Variants in C8orf34 observed in about 807,000 individuals in gnomAD.
C8orf34 encodes chromosome 8 open reading frame 34.
A neutral mutation model predicts 68.3 loss-of-function variants in C8orf34; 65 were observed. That is an observed-to-expected ratio of 0.95 (90% CI 0.78 to 1.17). The LOEUF is 1.17. Among genes scored for constraint, C8orf34 ranks in the 50% most tolerant of loss-of-function variants. The probability of loss-of-function intolerance (pLI) is 0.00; values close to 1 mark genes in which losing one functional copy is unlikely to be tolerated. For synonymous variants in C8orf34, 244 were observed against 241.2 expected, an observed-to-expected ratio of 1.01 and a Z score of -0.11; for missense variants, 664 against 655.4, an observed-to-expected ratio of 1.01 and a Z score of -0.14.
rs572682011 is a variant in C8orf34 at position 68,462,153 on chromosome 8, A to G, written c.608-6539A>G. On this transcript the variant is annotated intron_variant, in intron 3 of 13. Coordinates refer to ENST00000518698, the MANE Select transcript of C8orf34 (RefSeq NM_052958.4). ...AGGGGTTGCAATCCTGGTCTCTGAT[A>G]AAACAGACTTTAAACCAACAAAGAT... is the stretch of plus-strand genomic sequence containing the variant. 6.4e-4 allele frequency among the ~76,000 whole-genome samples: 97 copies of G among 152,244 alleles called. No homozygotes were observed. The South Asian group carries it at 0.016, about 25-fold the overall frequency.
At chr8:68,565,851 T>C (rs1278045885) in intron 7 of C8orf34, among the ~76,000 whole-genome samples, 2 of 152,180 alleles carry the variant, frequency 1.3e-5, no homozygotes, top group African/African-American at 4.8e-5. Flanking sequence ...GGAACATAGC[T>C]ATGTAGCTAC....
intron 11 of C8orf34, among the ~76,000 whole-genome samples, chr8:68,779,001 A>G (rs905009780): frequency 4.6e-5 from 7 of 151,892 alleles, no homozygotes; most frequent in Admixed American, 6.6e-5. Flanking sequence ...ACATAGTGAG[A>G]CCCTGTCTCT....
At chr8:68,514,576 T>C in intron 5 of C8orf34, among the ~76,000 whole-genome samples, 1 of 152,222 alleles carries the variant, frequency 6.6e-6, no homozygotes. Flanking sequence ...GATGTCTTGT[T>C]CCATTTCAGC....
chr8:68,664,474 C>A (rs1186100842), intron 8 of C8orf34, among the ~76,000 whole-genome samples: 1 of 152,166 alleles, frequency 6.6e-6, no homozygotes, highest in Non-Finnish European at 1.5e-5. Context: ...CCCATACATC[C>A]ATTCTATTTT....
At position 68,798,082 on chromosome 8, in the gene C8orf34, C is replaced by CAGACTTTAGTAGGTTTGATCT. The variant is rs1824229657; in HGVS notation, c.1549+10546_1549+10547insAGACTTTAGTAGGTTTGATCT. Among the ~76,000 whole-genome samples the CAGACTTTAGTAGGTTTGATCT allele has an allele frequency of 2.6e-5, 4 of 152,034 alleles. No homozygotes were observed. In the South Asian group the frequency reaches 8.3e-4, roughly 32 times the overall value. On this transcript the variant is annotated intron_variant, in intron 12 of 13. Transcript: ENST00000518698. ...ACTTTCTAGTAGTCTGTAGTAGGTT[C>CAGACTTTAGTAGGTTTGATCT]TTTCAGAAGATCAAAAGAAATCTTG...
chr8:68,805,992 C>T (rs1425049167), intron 12 of C8orf34, among the ~76,000 whole-genome samples: 6 of 151,586 alleles, frequency 4.0e-5, no homozygotes, highest in Admixed American at 3.9e-4. Flanking sequence ...AGGTTATATA[C>T]TCTTTTAAGA....
intron 12 of C8orf34, among the ~76,000 whole-genome samples, chr8:68,805,645 C>G (rs535599693): frequency 1.3e-5 from 2 of 152,138 alleles, no homozygotes; most frequent in South Asian, 4.1e-4. Context: ...CATTGGTACC[C>G]CAGCTTTTTA....
chr8:68,366,792 A>T (rs1807280302), intron 1 of C8orf34, among the ~76,000 whole-genome samples: 1 of 147,382 alleles, frequency 6.8e-6, no homozygotes, highest in Non-Finnish European at 1.5e-5. Context: ...AACCATAAAA[A>T]CCCTAGAAGA....
chr8:68,337,308 C>G (rs1805892379), intron 1 of C8orf34, among the ~76,000 whole-genome samples: 1 of 152,088 alleles, frequency 6.6e-6, no homozygotes, highest in Non-Finnish European at 1.5e-5. Context: ...GCATTTAAAA[C>G]AACACAGCAT....
At chr8:68,702,520 C>T (rs145626096) in intron 8 of C8orf34, among the ~76,000 whole-genome samples, 54 of 152,226 alleles carry the variant, frequency 3.5e-4, no homozygotes, top group African/African-American at 1.2e-3. Context: ...AATGTCTACT[C>T]TTTAGTTAGA....
chr8:68,662,634 C>T lies in C8orf34; in HGVS notation c.1241+22123C>T, dbSNP rs1015607046. Among the ~76,000 whole-genome samples the T allele has an allele frequency of 7.6e-4, 115 of 152,274 alleles. 1 individual carries two copies. Among genetic ancestry groups the T allele is most frequent in the Non-Finnish European group, 2.4e-4 (16 of 68,026 alleles). ...TGCAGCCTCTCCAGCTATGTGGAAC[C>T]GTGAGTAAATTTAACCTCTTTTCTT... On this transcript the variant is annotated intron_variant, in intron 8 of 13. Transcript: ENST00000518698.
intron 7 of C8orf34, among the ~76,000 whole-genome samples, chr8:68,604,030 T>C (rs576551406): frequency 6.6e-6 from 1 of 152,212 alleles, no homozygotes. Flanking sequence ...AAAATTAAAG[T>C]TTGCCTTGGA....
intron 7 of C8orf34, chr8:68,534,060 A>G (rs1162542130): frequency 1.0e-6 from 1 of 983,448 alleles, no homozygotes; most frequent in Non-Finnish European, 1.2e-6. Context: ...AGTTTTTGTT[A>G]AAAATGAGAT....
intron 7 of C8orf34, among the ~76,000 whole-genome samples, chr8:68,538,121 GT>G (rs1815555648): frequency 6.6e-6 from 1 of 152,112 alleles, no homozygotes; most frequent in Admixed American, 6.5e-5. Context: ...TGTGAAAAGA[GT>G]TGTTTAAAAC....
intron 1 of C8orf34, among the ~76,000 whole-genome samples, chr8:68,387,108 T>G (rs1808294084): frequency 6.6e-6 from 1 of 152,016 alleles, no homozygotes; most frequent in Non-Finnish European, 1.5e-5. Flanking sequence ...TTGGTGTATC[T>G]GGCTCATGGT....
intron 1 of C8orf34, among the ~76,000 whole-genome samples, chr8:68,347,835 A>G (rs1269145984): frequency 2.6e-5 from 4 of 151,812 alleles, no homozygotes; most frequent in South Asian, 2.1e-4. Context: ...AATTTGTTCA[A>G]CTTCCTCATA....
At chr8:68,478,468 C>T (rs35174379) in intron 4 of C8orf34, among the ~76,000 whole-genome samples, 7,374 of 152,264 alleles carry the variant, frequency 0.048, 301 homozygotes, top group East Asian at 0.23. Flanking sequence ...CCAAACTGTT[C>T]CAACCTCTGC....
At chr8:68,739,891 A>G (rs970505255) in intron 10 of C8orf34, among the ~76,000 whole-genome samples, 2 of 152,204 alleles carry the variant, frequency 1.3e-5, no homozygotes, top group African/African-American at 2.4e-5. Context: ...CCAAAACAGC[A>G]TGGTACTGGT....
chr8:68,561,482 C>T (rs112121281), intron 7 of C8orf34, among the ~76,000 whole-genome samples: 131 of 152,182 alleles, frequency 8.6e-4, no homozygotes, highest in Non-Finnish European at 1.4e-3. Flanking sequence ...CAAGTCCGGG[C>T]GCAGCAGCTC....
Sources: allele counts gnomAD v4.1 joint callset (sites outside exome capture counted in the v4.1 genomes callset), GRCh38; gene constraint gnomAD v4.1.1; transcripts MANE v1.5; gene names NCBI Gene and HGNC (gene_info 2026-07-23, HGNC 2026-07-21).